Variants in PIP5K1B observed in about 807,000 individuals in gnomAD.
PIP5K1B encodes the protein phosphatidylinositol-4-phosphate 5-kinase type 1 beta.
Under a neutral mutation model 67.0 loss-of-function variants are expected in PIP5K1B, and 42 were observed. That is an observed-to-expected ratio of 0.63 (90% confidence interval 0.49 to 0.81). The LOEUF (loss-of-function observed/expected upper bound fraction) is 0.81, where lower values mean the gene tolerates loss of function less well. PIP5K1B is among the 30% of genes least tolerant of loss of function. The probability of loss-of-function intolerance (pLI) is 0.00; values close to 1 mark genes in which losing one functional copy is unlikely to be tolerated. For missense variants in PIP5K1B, 459 were observed against 646.3 expected (o/e 0.71, Z 3.14); for synonymous variants, 214 against 231.4 (o/e 0.92, Z 0.68).
chr9:68,869,903 T>C (rs1466576571), intron 5 of PIP5K1B, among the ~76,000 whole-genome samples: 1 of 152,134 alleles, frequency 6.6e-6, no homozygotes, highest in African/African-American at 2.4e-5. Flanking sequence ...TTTATGTACA[T>C]GTGGGTAGAA....
intron 5 of PIP5K1B, among the ~76,000 whole-genome samples, 169 bp from the exon 6 acceptor site, chr9:68,876,508 C>T (rs940707913): frequency 4.6e-5 from 7 of 152,128 alleles, no homozygotes; most frequent in Non-Finnish European, 1.0e-4. Flanking sequence ...TCTTATTCTG[C>T]CTGGTTATCA....
chr9:68,835,109 A>C (rs1834531691), intron 4 of PIP5K1B, among the ~76,000 whole-genome samples: 1 of 152,238 alleles, frequency 6.6e-6, no homozygotes, highest in African/African-American at 2.4e-5. Context: ...TGTAACATGA[A>C]AGAAACAAGA....
At chr9:68,759,695 T>A (rs1830101111) in intron 2 of PIP5K1B, among the ~76,000 whole-genome samples, 1 of 152,078 alleles carries the variant, frequency 6.6e-6, no homozygotes, top group African/African-American at 2.4e-5. Flanking sequence ...ATTTAACACC[T>A]GAAATGAGAT....
At chr9:68,985,102 G>A (rs967683851) in intron 14 of PIP5K1B, among the ~76,000 whole-genome samples, 1 of 152,226 alleles carries the variant, frequency 6.6e-6, no homozygotes, top group South Asian at 2.1e-4. Context: ...CAGAGGACAT[G>A]CTCGGTCTAA....
intron 2 of PIP5K1B, among the ~76,000 whole-genome samples, chr9:68,772,146 T>C (rs1564122316): frequency 6.6e-6 from 1 of 152,246 alleles, no homozygotes; most frequent in Non-Finnish European, 1.5e-5. Flanking sequence ...ATGTTGCTTA[T>C]GAATCTCTAG....
chr9:68,975,664 C>T (rs188277498), intron 14 of PIP5K1B, among the ~76,000 whole-genome samples: 47 of 152,254 alleles, frequency 3.1e-4, no homozygotes, highest in African/African-American at 1.1e-3. Context: ...TTTGTCTCAC[C>T]GTTCTGGAGG....
At chr9:68,760,125 C>T (rs925291429) in intron 2 of PIP5K1B, among the ~76,000 whole-genome samples, 6 of 152,044 alleles carry the variant, frequency 3.9e-5, no homozygotes, top group African/African-American at 1.4e-4. Context: ...TTGGTGTGCA[C>T]AACATCTGTG....
intron 4 of PIP5K1B, among the ~76,000 whole-genome samples, chr9:68,849,711 G>A (rs1020254151): frequency 4.6e-5 from 7 of 152,302 alleles, no homozygotes; most frequent in Middle Eastern, 6.8e-3. Flanking sequence ...ATTTTTCAGT[G>A]TGTAGAGAAA....
chr9:68,920,612 C>G (rs1466755853), intron 11 of PIP5K1B, among the ~76,000 whole-genome samples: 1 of 151,974 alleles, frequency 6.6e-6, no homozygotes, highest in Non-Finnish European at 1.5e-5. Context: ...AGGTGATCCA[C>G]CTGCCTTGGC....
chr9:68,897,050 G>GCCCCAATATTGCCC (rs1356061460), intron 8 of PIP5K1B, among the ~76,000 whole-genome samples: 4 of 152,094 alleles, frequency 2.6e-5, no homozygotes, highest in Admixed American at 6.5e-5. Context: ...GGTTGACATC[G>GCCCCAATATTGCCC]CCCCAATATT....
chr9:68,847,134 C>T (rs540046867), intron 4 of PIP5K1B, among the ~76,000 whole-genome samples: 3 of 152,172 alleles, frequency 2.0e-5, no homozygotes, highest in East Asian at 1.9e-4. Flanking sequence ...AGAATAGTGA[C>T]GAGTGGCCCA....
chr9:68,785,527 T>G (rs980473535), intron 2 of PIP5K1B, among the ~76,000 whole-genome samples: 6 of 152,196 alleles, frequency 3.9e-5, no homozygotes, highest in African/African-American at 1.4e-4. Context: ...GAAATGACCT[T>G]TGTATAAAAA....
chr9:68,866,935 A>G (rs1823387725), intron 5 of PIP5K1B, among the ~76,000 whole-genome samples: 1 of 152,200 alleles, frequency 6.6e-6, no homozygotes, highest in South Asian at 2.1e-4. Context: ...GTGAGGCAAT[A>G]TTGCTGGGGT....
chr9:68,799,799 G>A (rs978088258), intron 2 of PIP5K1B, among the ~76,000 whole-genome samples: 1 of 152,130 alleles, frequency 6.6e-6, no homozygotes, highest in African/African-American at 2.4e-5. Flanking sequence ...AAAAGCTAGG[G>A]GAAAGGCTTC....
chr9:68,862,751 G>A lies in PIP5K1B; in HGVS notation c.70-1086G>A, dbSNP rs369233169. 5.5e-4 allele frequency among the ~76,000 whole-genome samples: 83 copies of A among 151,540 alleles called. No individual in the cohort carries two copies. The East Asian group carries it at 9.7e-3, about 18-fold the overall frequency. ...AGATTGCAGTGAGCCGAGGTTGCAC[G>A]ACTGCACTCCAGCCTGGGCGACAGA... is the stretch of plus-strand genomic sequence containing the variant. On this transcript the variant is annotated intron_variant, in intron 4 of 15. Transcript: ENST00000265382.
intron 1 of PIP5K1B, among the ~76,000 whole-genome samples, chr9:68,719,274 T>C (rs1421293759): frequency 6.6e-6 from 1 of 152,220 alleles, no homozygotes. Flanking sequence ...ATAGTGGCAA[T>C]TGATGAGTAT....
At chr9:68,908,233 T>A (rs1825705866) in intron 8 of PIP5K1B, among the ~76,000 whole-genome samples, 1 of 152,218 alleles carries the variant, frequency 6.6e-6, no homozygotes, top group African/African-American at 2.4e-5. Flanking sequence ...AAATATTACT[T>A]TTAAACCTGT....
chr9:68,982,100 G>A (rs1052935199), intron 14 of PIP5K1B, among the ~76,000 whole-genome samples: 3 of 152,194 alleles, frequency 2.0e-5, no homozygotes, highest in Non-Finnish European at 2.9e-5. Context: ...AAACTTGATG[G>A]TGCAGAACCT....
chr9:68,864,958 T>C (rs1325250552), intron 5 of PIP5K1B, among the ~76,000 whole-genome samples: 2 of 152,234 alleles, frequency 1.3e-5, no homozygotes, highest in Non-Finnish European at 2.9e-5. Context: ...AGAATAATTG[T>C]CTTTACACAT....
Sources: allele counts gnomAD v4.1 joint callset (sites outside exome capture counted in the v4.1 genomes callset), GRCh38; gene constraint gnomAD v4.1.1; transcripts MANE v1.5; gene names NCBI Gene and HGNC (gene_info 2026-07-23, HGNC 2026-07-21).